Variants in SHROOM2 observed in about 807,000 individuals in gnomAD.
SHROOM2 encodes protein Shroom2.
A neutral mutation model predicts 75.9 loss-of-function variants in SHROOM2; 33 were observed. The ratio of observed to expected loss-of-function variants is 0.43; its 90% CI spans 0.33 to 0.58. SHROOM2 has a LOEUF of 0.58. SHROOM2 is among the 20% of genes least tolerant of loss of function. SHROOM2 has a pLI of 0.04. For synonymous variants in SHROOM2, 655 were observed against 663.6 expected, an observed-to-expected ratio of 0.99 and a Z score of 0.20; for missense variants, 1,434 against 1,461.2, an observed-to-expected ratio of 0.98 and a Z score of 0.30.
At position 9,937,154 on chromosome X, in the gene SHROOM2, A is replaced by C. The variant is rs376695556; in HGVS notation, c.3608A>C (p.Asn1203Thr). 1.3e-5 allele frequency: 16 copies of C among 1,196,348 alleles called. No individual in the cohort carries two copies. Among genetic ancestry groups the C allele is most frequent in the Non-Finnish European group, 1.8e-5 (16 of 888,291 alleles). ...TCCAGAATTGAGCGGGTGATGGACA[A>C]CAACACCACGGTGAAGATGGTGCCC... ...DSTRIERVMD[N>T]NTTVKMVPIK... The change falls in exon 7 of 10, where the codon AAC (asparagine) becomes ACC (threonine). Residue 1203 changes from asparagine to threonine, a missense_variant. Asn to Thr is a moderately conservative substitution (Grantham distance 65, BLOSUM62 0). This residue lies in a region of SHROOM2 where 1,340 missense variants were observed against 1,338.3 expected (regional missense o/e 1.00). Coordinates refer to ENST00000380913, the MANE Select transcript of SHROOM2 (RefSeq NM_001649.4).
chrX:9,812,516 A>G (rs2083797137), intron 1 of SHROOM2, among the ~76,000 whole-genome samples: 1 of 112,211 alleles, frequency 8.9e-6, no homozygotes, highest in Admixed American at 9.5e-5. Context: ...GAATATCTCG[A>G]CAGGCCCCAT....
rs778597326 is a variant in SHROOM2, at chrX:9,833,699, A to T, written c.166-39953A>T. Among the ~76,000 whole-genome samples, 108 of 109,390 alleles carry T rather than the reference A, an allele frequency of 9.9e-4. 1 individual carries two copies. The highest frequency in any genetic ancestry group is 3.0e-3 in the African/African-American group (90 of 29,827). 95.0% of individuals were successfully genotyped at this position (109,390 alleles called of 115,157 possible). On this transcript the variant is annotated intron_variant, in intron 1 of 9. Transcript: ENST00000380913. ...TTCCAGACAACTCCAGACAGCCAGA[A>T]CTACTTTGGTTGCAAGTGACAGAAA...
intron 1 of SHROOM2, among the ~76,000 whole-genome samples, chrX:9,868,229 TTTTTATTTTTA>T (rs2084151262): frequency 9.8e-6 from 1 of 102,046 alleles, no homozygotes; most frequent in Non-Finnish European, 2.0e-5. Flanking sequence ...TTTATTTTTA[TTTTTATTTTTA>T]TTTTATTTAT....
chrX:9,946,847 C>T lies in SHROOM2; in HGVS notation c.4761C>T (p.Ile1587=), dbSNP rs751954397. The T allele has an allele frequency of 3.3e-6, 4 of 1,199,646 alleles. No homozygotes were observed. Among genetic ancestry groups the T allele is most frequent in the Non-Finnish European group, 3.4e-6 (3 of 889,032 alleles). ...HFVKMKSALI[I]EQRELEDKIH... is the part of the protein sequence containing the mutation. ...TGAAGATGAAGTCGGCCCTCATCAT[C>T]GAGCAGCGGGAGCTGGAAGATAAAA... Residue 1587 remains isoleucine, a synonymous_variant, in exon 10 of 10, where the codon ATC becomes ATT. Coordinates refer to ENST00000380913, the MANE Select transcript of SHROOM2 (RefSeq NM_001649.4).
intron 5 of SHROOM2, among the ~76,000 whole-genome samples, chrX:9,913,927 G>A (rs184111983): frequency 1.8e-5 from 2 of 111,834 alleles, no homozygotes; most frequent in African/African-American, 6.5e-5. Context: ...TACTCTACAA[G>A]TATTTCTTAT....
At chrX:9,839,547 A>G (rs2083968769) in intron 1 of SHROOM2, among the ~76,000 whole-genome samples, 1 of 111,194 alleles carries the variant, frequency 9.0e-6, no homozygotes, top group Non-Finnish European at 1.9e-5. Context: ...CAGCCCAAGC[A>G]CGGAGCTGCT....
At chrX:9,910,063 C>T (rs1158858857) in intron 5 of SHROOM2, among the ~76,000 whole-genome samples, 1 of 110,438 alleles carries the variant, frequency 9.1e-6, no homozygotes, top group Non-Finnish European at 1.9e-5. Flanking sequence ...CACCTCCTAA[C>T]ACCATCACCT....
chrX:9,851,116 C>T (rs2084037174), intron 1 of SHROOM2, among the ~76,000 whole-genome samples: 1 of 111,499 alleles, frequency 9.0e-6, no homozygotes, highest in Admixed American at 9.5e-5. Context: ...ACAAGTGGTC[C>T]TCCCACCTCA....
At chrX:9,807,997 G>A (rs1266741173) in intron 1 of SHROOM2, among the ~76,000 whole-genome samples, 1 of 111,946 alleles carries the variant, frequency 8.9e-6, no homozygotes, top group African/African-American at 3.2e-5. Context: ...GCAGCCCCGA[G>A]CTTTTGGCCT....
intron 1 of SHROOM2, among the ~76,000 whole-genome samples, chrX:9,849,753 T>C (rs1191532545): frequency 8.9e-6 from 1 of 111,883 alleles, no homozygotes; most frequent in Non-Finnish European, 1.9e-5. Context: ...CTCTAGGTAA[T>C]TTCAGAGAAC....
At chrX:9,862,130 C>G (rs774634201) in intron 1 of SHROOM2, among the ~76,000 whole-genome samples, 1 of 111,937 alleles carries the variant, frequency 8.9e-6, no homozygotes, top group African/African-American at 3.2e-5. Context: ...CATTACGGCT[C>G]TTTGTGAAAA....
rs866725835 is a variant in SHROOM2 at position 9,932,570 on chromosome X, C to T, written c.3287C>T (p.Thr1096Met). 9 of 1,210,298 alleles carry T rather than the reference C, an allele frequency of 7.4e-6. No individual in the cohort carries two copies. In the African/African-American group the frequency reaches 8.7e-5, roughly 12 times the overall value. The change falls in exon 6 of 10, where the codon ACG (threonine) becomes ATG (methionine). Residue 1096 changes from threonine (T) to methionine (M), a missense_variant. By Grantham distance (81) the Thr-to-Met change is moderately conservative (BLOSUM62 -1). This residue lies in a region of SHROOM2 where 1,340 missense variants were observed against 1,338.3 expected (regional missense o/e 1.00). Coordinates refer to ENST00000380913, the MANE Select transcript of SHROOM2 (RefSeq NM_001649.4). ...PVGVLGRPFP[T>M]PSPASLDVYV... Reference sequence around the variant, plus strand: ...GGCGTCCTCGGCAGGCCCTTCCCAACGCCATCCCCTGCGTCCCTGGATGTG... The same window carrying T: ...GGCGTCCTCGGCAGGCCCTTCCCAATGCCATCCCCTGCGTCCCTGGATGTG...
intron 1 of SHROOM2, among the ~76,000 whole-genome samples, chrX:9,812,033 A>G (rs1771156651): frequency 8.9e-6 from 1 of 112,022 alleles, no homozygotes; most frequent in Admixed American, 9.5e-5. Flanking sequence ...CATCCAGTTC[A>G]TGATAGGTAG....
chrX:9,879,563 C>T (rs771694937), intron 2 of SHROOM2, among the ~76,000 whole-genome samples: 1 of 112,754 alleles, frequency 8.9e-6, no homozygotes, highest in African/African-American at 3.2e-5. Context: ...ACCCGGCCAG[C>T]TTATTGTTTT....
chrX:9,860,382 A>G (rs2084096941), intron 1 of SHROOM2, among the ~76,000 whole-genome samples: 1 of 111,910 alleles, frequency 8.9e-6, no homozygotes, highest in South Asian at 3.8e-4. Context: ...TGTGGTTAAC[A>G]TACATGCACA....
chrX:9,905,613 C>T (rs1386575159), intron 5 of SHROOM2, among the ~76,000 whole-genome samples: 3 of 113,371 alleles, frequency 2.6e-5, no homozygotes, highest in Non-Finnish European at 5.6e-5. Flanking sequence ...CTTTCTCGCA[C>T]GTGGCACTTG....
intron 1 of SHROOM2, among the ~76,000 whole-genome samples, chrX:9,835,704 C>T (rs928393359): frequency 9.1e-6 from 1 of 109,522 alleles, no homozygotes; most frequent in Non-Finnish European, 1.9e-5. Context: ...CTGCTTTTGC[C>T]CGACCTCACT....
At chrX:9,855,293 AGT>A (rs1491249581) in intron 1 of SHROOM2, among the ~76,000 whole-genome samples, 1,299 of 72,674 alleles carry the variant, frequency 0.018, 56 homozygotes, top group African/African-American at 0.09. Context: ...CTTAAAGTAT[AGT>A]AAAAAAAAAA....
At chrX:9,788,575 T>C (rs1364773805) in intron 1 of SHROOM2, among the ~76,000 whole-genome samples, 1 of 111,423 alleles carries the variant, frequency 9.0e-6, no homozygotes, top group Non-Finnish European at 1.9e-5. Context: ...TGGTGTATCC[T>C]GAGGTCACAA....
Sources: allele counts gnomAD v4.1 joint callset (sites outside exome capture counted in the v4.1 genomes callset), GRCh38; gene constraint gnomAD v4.1.1; regional missense constraint gnomAD v4.1.1; transcripts MANE v1.5; gene names NCBI Gene and HGNC (gene_info 2026-07-23, HGNC 2026-07-21).